Variants in SLC9A9 observed in about 807,000 individuals in gnomAD.
SLC9A9 encodes sodium/hydrogen exchanger 9.
SLC9A9 carries 62 observed loss-of-function variants against 77.8 expected under a neutral mutation model. That is an observed-to-expected ratio of 0.80 (90% CI 0.65 to 0.98). The LOEUF (loss-of-function observed/expected upper bound fraction) is 0.98, where lower values mean the gene tolerates loss of function less well. Among genes scored for constraint, SLC9A9 ranks in the 50% least tolerant of loss-of-function variants. The probability of loss-of-function intolerance (pLI) is 0.00; values close to 1 mark genes in which losing one functional copy is unlikely to be tolerated. For synonymous variants in SLC9A9, 320 were observed against 283.5 expected, an observed-to-expected ratio of 1.13 and a Z score of -1.29; for missense variants, 775 against 774.9, an observed-to-expected ratio of 1.00 and a Z score of 0.00.
At chr3:143,324,725 G>C (rs763626989) in intron 14 of SLC9A9, among the ~76,000 whole-genome samples, 15 of 152,136 alleles carry the variant, frequency 9.9e-5, no homozygotes, top group Admixed American at 7.2e-4. Context: ...GGGAGGCTGA[G>C]GCAGGAAGAT....
intron 13 of SLC9A9, among the ~76,000 whole-genome samples, chr3:143,377,632 C>G (rs986677818): frequency 1.3e-5 from 2 of 152,188 alleles, no homozygotes; most frequent in Non-Finnish European, 2.9e-5. Context: ...CATTAAGTAA[C>G]AAGCATAGTG....
intron 12 of SLC9A9, among the ~76,000 whole-genome samples, chr3:143,466,748 C>T (rs1255121246): frequency 6.6e-6 from 1 of 152,212 alleles, no homozygotes; most frequent in Non-Finnish European, 1.5e-5. Flanking sequence ...CAGTATACCA[C>T]ATTGTACTGA....
At chr3:143,374,599 T>C (rs1008019846) in intron 13 of SLC9A9, among the ~76,000 whole-genome samples, 3 of 151,938 alleles carry the variant, frequency 2.0e-5, no homozygotes, top group Admixed American at 2.0e-4. Context: ...CTAATTATAA[T>C]TGGAGGTTTT....
rs562832361 is a variant in SLC9A9, at chr3:143,663,695, T to C, written c.650-11335A>G. On this transcript the variant is annotated intron_variant, in intron 5 of 15. Coordinates refer to ENST00000316549, the MANE Select transcript of SLC9A9 (RefSeq NM_173653.4). ...GCACAAGTTTCAGTAGCCGATTCCATCAAGTGGAAGAAAGGGTATCAGTGA... is the reference window on the plus strand; with the variant it reads ...GCACAAGTTTCAGTAGCCGATTCCACCAAGTGGAAGAAAGGGTATCAGTGA... 5.3e-5 allele frequency among the ~76,000 whole-genome samples: 8 copies of C among 152,188 alleles called. No homozygotes were observed. In the South Asian group the frequency reaches 1.7e-3, roughly 32 times the overall value.
intron 6 of SLC9A9, among the ~76,000 whole-genome samples, chr3:143,644,351 C>T (rs185368691): frequency 1.5e-3 from 231 of 152,322 alleles, no homozygotes; most frequent in Non-Finnish European, 2.0e-3. Flanking sequence ...TGACTTGACA[C>T]GAGCAAAGCA....
At chr3:143,547,594 A>G (rs1333064389) in intron 9 of SLC9A9, among the ~76,000 whole-genome samples, 1 of 151,930 alleles carries the variant, frequency 6.6e-6, no homozygotes, top group Non-Finnish European at 1.5e-5. Flanking sequence ...TATTTCTCTC[A>G]TACTCTCCCT....
At chr3:143,781,392 G>T (rs185848903) in intron 4 of SLC9A9, among the ~76,000 whole-genome samples, 192 of 151,942 alleles carry the variant, frequency 1.3e-3, no homozygotes, top group African/African-American at 4.6e-3. Flanking sequence ...TGAACTCAAC[G>T]CATGTAAAGG....
At chr3:143,386,386 A>G (rs543286923) in intron 12 of SLC9A9, among the ~76,000 whole-genome samples, 3 of 152,276 alleles carry the variant, frequency 2.0e-5, no homozygotes, top group East Asian at 3.9e-4. Flanking sequence ...AGATGTCAAG[A>G]GAGTTGTTTG....
chr3:143,679,648 G>A (rs921598037), intron 5 of SLC9A9, among the ~76,000 whole-genome samples: 13 of 152,098 alleles, frequency 8.5e-5, no homozygotes, highest in Middle Eastern at 3.2e-3. Flanking sequence ...GTGGGATGAC[G>A]GCAAATGAAA....
At chr3:143,528,028 A>C (rs2036433927) in intron 9 of SLC9A9, among the ~76,000 whole-genome samples, 1 of 152,194 alleles carries the variant, frequency 6.6e-6, no homozygotes, top group South Asian at 2.1e-4. Context: ...AAGGAAGAAC[A>C]CTGAAAGCCA....
intron 6 of SLC9A9, among the ~76,000 whole-genome samples, chr3:143,597,471 C>A (rs1052068202): frequency 6.6e-6 from 1 of 152,200 alleles, no homozygotes; most frequent in African/African-American, 2.4e-5. Flanking sequence ...ACTGGCCTCG[C>A]AACCTTGCGT....
intron 4 of SLC9A9, among the ~76,000 whole-genome samples, chr3:143,715,420 G>C (rs1322942574): frequency 6.6e-6 from 1 of 152,114 alleles, no homozygotes; most frequent in Non-Finnish European, 1.5e-5. Flanking sequence ...TGCCCACATA[G>C]TCTTCAAGCA....
At chr3:143,722,347 C>G (rs1192512059) in intron 4 of SLC9A9, among the ~76,000 whole-genome samples, 1 of 151,528 alleles carries the variant, frequency 6.6e-6, no homozygotes, top group African/African-American at 2.4e-5. Context: ...GTGGCGGGCA[C>G]CTGTAGTCCC....
At chr3:143,422,166 C>T (rs2034311550) in intron 12 of SLC9A9, among the ~76,000 whole-genome samples, 1 of 152,156 alleles carries the variant, frequency 6.6e-6, no homozygotes. Flanking sequence ...TTAGTTCAGT[C>T]ACTGTGGACA....
rs1005564588 is a variant in SLC9A9, at chr3:143,359,940, T to C, written c.1604+3544A>G. Among the ~76,000 whole-genome samples the C allele has an allele frequency of 2.0e-5, 3 of 152,330 alleles. No homozygotes were observed. The South Asian group carries it at 6.2e-4, about 32-fold the overall frequency. On this transcript the variant is annotated intron_variant, in intron 14 of 15. Transcript: ENST00000316549. Reference sequence around the variant, plus strand: ...TGTTATCACACCGATATAGTACCAATAAATGTTCAAGATGTGAGCTCTGGA... The same window carrying C: ...TGTTATCACACCGATATAGTACCAACAAATGTTCAAGATGTGAGCTCTGGA...
chr3:143,441,328 G>A (rs957600352), intron 12 of SLC9A9, among the ~76,000 whole-genome samples: 1 of 152,202 alleles, frequency 6.6e-6, no homozygotes, highest in African/African-American at 2.4e-5. Context: ...GTGAAAAAGG[G>A]TGTGGAGCTA....
At chr3:143,743,972 C>T (rs1935143382) in intron 4 of SLC9A9, among the ~76,000 whole-genome samples, 1 of 152,132 alleles carries the variant, frequency 6.6e-6, no homozygotes, top group African/African-American at 2.4e-5. Flanking sequence ...CCCCTAGAGG[C>T]AGAAATTTGG....
chr3:143,293,402 C>T (rs2030107018), intron 14 of SLC9A9, among the ~76,000 whole-genome samples: 1 of 152,214 alleles, frequency 6.6e-6, no homozygotes, highest in Admixed American at 6.5e-5. Context: ...GCTTTGCAAT[C>T]ATACCTTTTC....
At chr3:143,436,463 G>A (rs916254974) in intron 12 of SLC9A9, among the ~76,000 whole-genome samples, 3 of 152,146 alleles carry the variant, frequency 2.0e-5, no homozygotes, top group Admixed American at 6.5e-5. Context: ...GCCAGATCTC[G>A]TTCAGTCCAT....
Sources: gnomAD v4.1 joint callset for allele counts (sites outside exome capture counted in the v4.1 genomes callset) on GRCh38, gnomAD v4.1.1 for gene constraint, MANE v1.5 for transcripts, NCBI Gene and HGNC (gene_info 2026-07-23, HGNC 2026-07-21) for gene names.